ROBO2: variants seen among roughly 807,000 people sequenced by gnomAD.
The protein encoded by ROBO2 is roundabout guidance receptor 2.
Under a neutral mutation model 160.8 loss-of-function variants are expected in ROBO2, and 53 were observed. That is an observed-to-expected ratio of 0.33 (90% CI 0.26 to 0.41). The LOEUF (loss-of-function observed/expected upper bound fraction) is 0.41. Ranked by LOEUF, ROBO2 falls within the 10% of genes least tolerant of loss-of-function variation. ROBO2 has a pLI of 1.00. For synonymous variants in ROBO2, 664 were observed against 611.7 expected, an observed-to-expected ratio of 1.09 and a Z score of -1.26; for missense variants, 1,577 against 1,722.4, an observed-to-expected ratio of 0.92 and a Z score of 1.49.
At chr3:76,048,774 C>T (rs546634154) in intron 2 of ROBO2, among the ~76,000 whole-genome samples, 5 of 152,186 alleles carry the variant, frequency 3.3e-5, no homozygotes, top group East Asian at 1.9e-4. Context: ...TCTACGGTAA[C>T]GGGGCACTGA....
chr3:76,526,110 G>C (rs1057227772), intron 2 of ROBO2, among the ~76,000 whole-genome samples: 2 of 151,992 alleles, frequency 1.3e-5, no homozygotes, highest in Non-Finnish European at 2.9e-5. Context: ...GTTGGTGTTA[G>C]GACAAACCTA....
At chr3:77,551,626 A>T (rs749657054) in intron 8 of ROBO2, among the ~76,000 whole-genome samples, 38 of 151,998 alleles carry the variant, frequency 2.5e-4, no homozygotes, top group Admixed American at 5.9e-4. Context: ...CAGCTAGCAA[A>T]TTTGAGATAT....
chr3:77,052,670 C>T (rs11127576), intron 1 of ROBO2, among the ~76,000 whole-genome samples: 4,536 of 152,096 alleles, frequency 0.03, 228 homozygotes, highest in African/African-American at 0.1. Flanking sequence ...ACAATTGAAA[C>T]GGTAATAATA....
At chr3:76,424,451 A>C (rs955328002) in intron 2 of ROBO2, among the ~76,000 whole-genome samples, 2 of 152,206 alleles carry the variant, frequency 1.3e-5, no homozygotes, top group African/African-American at 4.8e-5. Flanking sequence ...GGAATCTAAA[A>C]AATGGATAAA....
intron 2 of ROBO2, among the ~76,000 whole-genome samples, chr3:76,154,780 T>C (rs1383586518): frequency 6.6e-6 from 1 of 152,268 alleles, no homozygotes; most frequent in African/African-American, 2.4e-5. Flanking sequence ...CTCAATTTTA[T>C]TTTAAAACAA....
chr3:76,199,813 C>T (rs1304263948), intron 2 of ROBO2, among the ~76,000 whole-genome samples: 1 of 152,108 alleles, frequency 6.6e-6, no homozygotes, highest in African/African-American at 2.4e-5. Context: ...CTTTGACTGC[C>T]TACAGCTTCT....
At chr3:77,381,082 T>G (rs1379210969) in intron 2 of ROBO2, among the ~76,000 whole-genome samples, 1 of 152,066 alleles carries the variant, frequency 6.6e-6, no homozygotes, top group Non-Finnish European at 1.5e-5. Flanking sequence ...TTGGGAGGCC[T>G]AGGCGGGGGG....
intron 2 of ROBO2, among the ~76,000 whole-genome samples, chr3:76,470,950 T>C (rs2078622526): frequency 6.6e-6 from 1 of 152,158 alleles, no homozygotes; most frequent in Non-Finnish European, 1.5e-5. Context: ...AATAATGTAG[T>C]TTTAGGCCAC....
chr3:76,278,623 T>C (rs1288215791), intron 2 of ROBO2, among the ~76,000 whole-genome samples: 1 of 151,958 alleles, frequency 6.6e-6, no homozygotes, highest in Non-Finnish European at 1.5e-5. Flanking sequence ...TTAAAAGATA[T>C]TTCCCCAAGT....
At chr3:77,165,184 G>T (rs2078957331) in intron 2 of ROBO2, among the ~76,000 whole-genome samples, 2 of 151,108 alleles carry the variant, frequency 1.3e-5, no homozygotes, top group South Asian at 4.2e-4. Context: ...GAAAGAAGTA[G>T]ACATGGGAGA....
intron 2 of ROBO2, among the ~76,000 whole-genome samples, chr3:76,286,068 A>G (rs1192488547): frequency 6.6e-6 from 1 of 152,234 alleles, no homozygotes; most frequent in Non-Finnish European, 1.5e-5. Flanking sequence ...AGTAGTTCAC[A>G]GTTCATAGAA....
At chr3:77,484,267 A>G (rs2085054438) in intron 4 of ROBO2, among the ~76,000 whole-genome samples, 1 of 152,062 alleles carries the variant, frequency 6.6e-6, no homozygotes. Flanking sequence ...TTAAGCTCTG[A>G]AGATCCTGGA....
At chr3:76,769,037 C>T (rs969466113) in intron 2 of ROBO2, among the ~76,000 whole-genome samples, 2 of 151,274 alleles carry the variant, frequency 1.3e-5, no homozygotes. Context: ...AGATTAGAAG[C>T]ACATAATAGA....
chr3:76,682,019 T>C (rs2092576306), intron 2 of ROBO2, among the ~76,000 whole-genome samples: 1 of 152,012 alleles, frequency 6.6e-6, no homozygotes, highest in African/African-American at 2.4e-5. Flanking sequence ...GTAGTGAAGA[T>C]GGGAAGGCAT....
intron 2 of ROBO2, among the ~76,000 whole-genome samples, chr3:77,114,855 T>G (rs2150211944): frequency 6.6e-6 from 1 of 152,310 alleles, no homozygotes; most frequent in Non-Finnish European, 1.5e-5. Flanking sequence ...TTTATCTATT[T>G]ACCAAAACAT....
chr3:76,516,397 G>T (rs1039793469), intron 2 of ROBO2, among the ~76,000 whole-genome samples: 12 of 152,102 alleles, frequency 7.9e-5, no homozygotes, highest in Non-Finnish European at 1.6e-4. Flanking sequence ...CTTCCACAAA[G>T]TTTTCATTAG....
rs148290129 is a variant in ROBO2, at chr3:77,320,408, G to T, written c.389-157006G>T. On this transcript the variant is annotated intron_variant, in intron 2 of 25. Transcript: ENST00000461745. ...ACAGTGATTGTGACAGATGGTAAAG[G>T]AATAAGATTGCACTTTGGCGCTGCT... Among the ~76,000 whole-genome samples, 38 of 152,172 alleles carry T rather than the reference G, an allele frequency of 2.5e-4. No homozygotes were observed. In the East Asian group the frequency reaches 7.0e-3, roughly 28 times the overall value.
At chr3:77,566,116 T>C (rs537430222) in intron 12 of ROBO2, among the ~76,000 whole-genome samples, 1 of 152,210 alleles carries the variant, frequency 6.6e-6, no homozygotes, top group South Asian at 2.1e-4. Context: ...TAAAATATTA[T>C]TATAATTACA....
At chr3:77,400,544 G>C (rs1180576730) in intron 2 of ROBO2, among the ~76,000 whole-genome samples, 2 of 152,120 alleles carry the variant, frequency 1.3e-5, no homozygotes, top group Admixed American at 6.6e-5. Flanking sequence ...TCGTTTAAGT[G>C]TATAACCGTA....
Sources: gnomAD v4.1 joint callset for allele counts (sites outside exome capture counted in the v4.1 genomes callset) on GRCh38, gnomAD v4.1.1 for gene constraint, MANE v1.5 for transcripts, NCBI Gene and HGNC (gene_info 2026-07-23, HGNC 2026-07-21) for gene names.